The following CWH43 variants were observed in gnomAD, a reference collection of about 807,000 sequenced individuals.
CWH43 encodes the protein PGAP2-interacting protein.
A neutral mutation model predicts 85.7 loss-of-function variants in CWH43; 91 were observed. The observed-to-expected ratio is 1.06, with a 90% confidence interval of 0.90 to 1.26. The LOEUF is 1.26. Among genes scored for constraint, CWH43 ranks in the 50% most tolerant of loss-of-function variants. CWH43 has a pLI of 0.00. For missense variants in CWH43, 869 were observed against 839.2 expected (o/e 1.04, Z -0.44); for synonymous variants, 323 against 293.6 (o/e 1.10, Z -1.02).
In CWH43 at chr4:49,044,737, G is replaced by C. The variant is rs374373018; in HGVS notation, c.1804-49G>C. 2.9e-5 allele frequency: 43 copies of C among 1,496,316 alleles called. No individual in the cohort carries two copies. The African/African-American group carries it at 4.4e-4, about 15-fold the overall frequency. The allele number at this position is 1,496,316 out of a possible 1,614,324, so 92.7% of individuals were successfully genotyped here. A position where few individuals can be genotyped will look rare whatever the true frequency, so the allele number is the denominator to read the frequency against. On this transcript the variant is annotated intron_variant, in intron 13 of 15. Transcript: ENST00000226432. ...ACACATTTTTTGGCAATGTGGAATA[G>C]AGCTTTGCTTTTTATGCTTTAAACA...
intron 9 of CWH43, 67 bp from the exon 10 acceptor site, chr4:49,028,561 GA>G (rs757579672): frequency 9.5e-7 from 1 of 1,053,680 alleles, no homozygotes; most frequent in Non-Finnish European, 1.4e-6. Context: ...GAGGAGTGGA[GA>G]AAAGTGGGTC....
intron 5 of CWH43, among the ~76,000 whole-genome samples, chr4:48,995,052 T>C (rs1782769164): frequency 6.6e-6 from 1 of 152,212 alleles, no homozygotes; most frequent in Non-Finnish European, 1.5e-5. Flanking sequence ...CCAATGGTTG[T>C]GCACAGCTAA....
In CWH43 at chr4:48,991,524, C is replaced by T; in HGVS notation, c.306C>T (p.Ser102=). ...TGGTTCTTGCGCTTGGGGTGTCTTC[C>T]TCACTGATAGTGCAAGCTGTGACTT... ...RLMVLALGVS[S]SLIVQAVTWW... Residue 102 remains serine (S), a synonymous_variant, in exon 3 of 16, where the codon TCC becomes TCT. Transcript: ENST00000226432. 3.1e-6 allele frequency: 5 copies of T among 1,614,048 alleles called. No individual in the cohort carries two copies. Among genetic ancestry groups the T allele is most frequent in the Non-Finnish European group, 4.2e-6 (5 of 1,179,986 alleles).
intron 10 of CWH43, 141 bp downstream of exon 10, chr4:49,028,875 A>T (rs1784003522): frequency 1.5e-5 from 9 of 588,754 alleles, no homozygotes; most frequent in Non-Finnish European, 2.6e-5. Context: ...CACCTCAAAA[A>T]TGCTTTACTT....
At chr4:49,010,413 T>A (rs569606576) in intron 8 of CWH43, among the ~76,000 whole-genome samples, 13 of 152,332 alleles carry the variant, frequency 8.5e-5, no homozygotes, top group African/African-American at 2.9e-4. Context: ...TTGTTAATCT[T>A]TTCAAAAAAC....
chr4:49,032,440 C>A, intron 11 of CWH43, 126 bp from the exon 12 acceptor site: 1 of 1,033,886 alleles, frequency 9.7e-7, no homozygotes, highest in Non-Finnish European at 1.5e-6. Flanking sequence ...TGCCGCATTG[C>A]TTTGAATGTC....
chr4:48,996,328 C>T (rs868781022), intron 5 of CWH43, among the ~76,000 whole-genome samples: 170 of 124,714 alleles, frequency 1.4e-3, no homozygotes, highest in Middle Eastern at 9.5e-3. Flanking sequence ...CACACACACA[C>T]ACATATATAT....
chr4:49,017,442 C>A (rs1189383921), intron 9 of CWH43, 114 bp downstream of exon 9: 2 of 680,942 alleles, frequency 2.9e-6, no homozygotes, highest in Non-Finnish European at 4.9e-6. Flanking sequence ...AGCCCTGGGC[C>A]CTATCTCCTT....
chr4:49,014,442 GA>G (rs1316045187), intron 8 of CWH43, among the ~76,000 whole-genome samples: 4 of 135,516 alleles, frequency 3.0e-5, no homozygotes, highest in Admixed American at 7.3e-5. Context: ...ATGGATGACA[GA>G]ATGAGACTCT....
intron 9 of CWH43, among the ~76,000 whole-genome samples, chr4:49,019,402 G>T (rs549460054): frequency 6.6e-6 from 1 of 152,290 alleles, no homozygotes; most frequent in East Asian, 1.9e-4. Flanking sequence ...GACACCTGGT[G>T]TGTTTGAGGG....
intron 8 of CWH43, among the ~76,000 whole-genome samples, chr4:49,012,996 C>T (rs184031558): frequency 2.0e-5 from 3 of 152,332 alleles, no homozygotes; most frequent in East Asian, 1.9e-4. Context: ...GCTCAAATGC[C>T]GTGCTGGGAG....
chr4:49,015,759 TA>T (rs1471691657), intron 8 of CWH43, among the ~76,000 whole-genome samples: 7 of 152,180 alleles, frequency 4.6e-5, no homozygotes, highest in Admixed American at 4.6e-4. Flanking sequence ...CCCCTTGAAC[TA>T]ACTCTCTATT....
chr4:49,004,228 T>G (rs1249157217), intron 7 of CWH43, among the ~76,000 whole-genome samples: 1 of 152,218 alleles, frequency 6.6e-6, no homozygotes, highest in Admixed American at 6.5e-5. Context: ...TACAAAGGTC[T>G]TTTAAATTAA....
intron 3 of CWH43, 37 bp from the exon 4 acceptor site, chr4:48,991,899 A>G (rs768880178): frequency 1.3e-6 from 2 of 1,561,968 alleles, no homozygotes; most frequent in Admixed American, 1.7e-5. Flanking sequence ...CATTGAGTCC[A>G]CATAAAAAGT....
intron 8 of CWH43, among the ~76,000 whole-genome samples, chr4:49,008,927 C>T (rs1241604827): frequency 6.6e-6 from 1 of 152,120 alleles, no homozygotes; most frequent in East Asian, 1.9e-4. Flanking sequence ...CAGCTTTGTT[C>T]TTTTTGCCTA....
chr4:49,058,484 T>C (rs1433858961), intron 15 of CWH43, among the ~76,000 whole-genome samples: 2 of 152,240 alleles, frequency 1.3e-5, no homozygotes, highest in African/African-American at 4.8e-5. Context: ...ACTTTTACAC[T>C]GGAGTTAAAA....
At chr4:48,994,870 G>T (rs1166240021) in intron 5 of CWH43, 50 bp downstream of exon 5, 2 of 1,439,258 alleles carry the variant, frequency 1.4e-6, no homozygotes, top group Non-Finnish European at 2.0e-6. Context: ...ATGCCTGGAG[G>T]AAGCAATGCC....
intron 6 of CWH43, among the ~76,000 whole-genome samples, chr4:49,002,845 T>C (rs1296961582): frequency 6.6e-6 from 1 of 152,184 alleles, no homozygotes; most frequent in Non-Finnish European, 1.5e-5. Context: ...ATTAAGATGC[T>C]GACTGGGGCC....
At chr4:49,039,069 TA>T (rs1435081415) in intron 13 of CWH43, among the ~76,000 whole-genome samples, 2 of 85,048 alleles carry the variant, frequency 2.4e-5, no homozygotes, top group African/African-American at 5.9e-5. Flanking sequence ...AAAAAATATA[TA>T]AATAAATTAA....
Sources: gnomAD v4.1 joint callset for allele counts (sites outside exome capture counted in the v4.1 genomes callset) on GRCh38, gnomAD v4.1.1 for gene constraint, MANE v1.5 for transcripts, NCBI Gene and HGNC (gene_info 2026-07-23, HGNC 2026-07-21) for gene names.